SGPP2: variants seen among roughly 807,000 people sequenced by gnomAD.
SGPP2 encodes the protein sphingosine 1-phosphate phosphohydrolase 2.
In SGPP2, 30 loss-of-function variants were observed where a neutral mutation model predicts 33.9. The ratio of observed to expected loss-of-function variants is 0.89; its 90% CI spans 0.66 to 1.20. The LOEUF is 1.20. SGPP2 is among the 50% of genes most tolerant of loss of function. SGPP2 has a pLI of 0.00. For missense variants in SGPP2, 458 were observed against 532.1 expected (o/e 0.86, Z 1.37); for synonymous variants, 233 against 225.0 (o/e 1.04, Z -0.32).
At chr2:222,424,423 G>A, upstream of SGPP2, 1 of 214,154 alleles carries the variant, frequency 4.7e-6, no homozygotes, top group Non-Finnish European at 8.8e-6. Flanking sequence ...CAAGGTGGAG[G>A]CAGACACCTG....
Position 222,528,289 on chromosome 2 carries a change from A to G in SGPP2, c.648+3256A>G, listed in dbSNP as rs571108295. ...GTGTGACATCCAGGCCTAACTCAGA[A>G]TCACAGCGGGTTCAGTTCCAAACCA... On this transcript the variant is annotated intron_variant, in intron 4 of 4. Coordinates refer to ENST00000321276, the MANE Select transcript of SGPP2 (RefSeq NM_152386.4). Among the ~76,000 whole-genome samples the G allele has an allele frequency of 1.0e-3, 158 of 152,062 alleles. 1 individual carries two copies. The highest frequency in any genetic ancestry group is 1.8e-3 in the Non-Finnish European group (122 of 67,914).
intron 4 of SGPP2, among the ~76,000 whole-genome samples, chr2:222,544,692 C>T (rs1689147489): frequency 6.6e-6 from 1 of 151,992 alleles, no homozygotes; most frequent in Admixed American, 6.6e-5. Flanking sequence ...TATTTTTGAT[C>T]CAAGATTGGT....
intron 4 of SGPP2, among the ~76,000 whole-genome samples, chr2:222,549,306 G>T (rs1689252556): frequency 6.6e-6 from 1 of 152,230 alleles, no homozygotes; most frequent in Admixed American, 6.5e-5. Context: ...GCATTCTTCA[G>T]GGAAGATGTT....
intron 2 of SGPP2, among the ~76,000 whole-genome samples, chr2:222,496,032 ACACTTGCAGAC>A (rs1254689951): frequency 1.3e-5 from 2 of 152,100 alleles, no homozygotes; most frequent in African/African-American, 4.8e-5. Flanking sequence ...TACATTCAAG[ACACTTGCAGAC>A]CTCTTGGTCT....
chr2:222,516,659 G>C (rs963256932), intron 2 of SGPP2, among the ~76,000 whole-genome samples: 2 of 152,112 alleles, frequency 1.3e-5, no homozygotes, highest in African/African-American at 4.8e-5. Context: ...TTTCCAAAGT[G>C]GTGGTACCAT....
At chr2:222,498,123 G>C (rs906292026) in intron 2 of SGPP2, among the ~76,000 whole-genome samples, 2 of 152,108 alleles carry the variant, frequency 1.3e-5, no homozygotes, top group Non-Finnish European at 2.9e-5. Context: ...AGAGAGTGTA[G>C]CCCCTTTGGG....
intron 1 of SGPP2, chr2:222,452,814 C>A: frequency 6.2e-7 from 1 of 1,600,910 alleles, no homozygotes; most frequent in Non-Finnish European, 8.6e-7. Flanking sequence ...CTGAGTCACA[C>A]CATTGCTATT....
At chr2:222,439,680 C>G (rs527406326) in intron 1 of SGPP2, among the ~76,000 whole-genome samples, 21 of 152,156 alleles carry the variant, frequency 1.4e-4, no homozygotes, top group Non-Finnish European at 1.6e-4. Context: ...CGGGCAATAA[C>G]AAGCCAATTT....
chr2:222,497,534 A>G (rs1698301125), intron 2 of SGPP2, among the ~76,000 whole-genome samples: 1 of 152,184 alleles, frequency 6.6e-6, no homozygotes, highest in African/African-American at 2.4e-5. Flanking sequence ...GGCACGAGCC[A>G]CCGCACCTAG....
chr2:222,529,518 A>G (rs367583881), intron 4 of SGPP2, among the ~76,000 whole-genome samples: 17 of 152,110 alleles, frequency 1.1e-4, no homozygotes, highest in African/African-American at 3.4e-4. Flanking sequence ...TATTTTTAGT[A>G]GAGGCGGGGT....
At chr2:222,543,503 A>G (rs1574888382) in intron 4 of SGPP2, among the ~76,000 whole-genome samples, 1 of 152,254 alleles carries the variant, frequency 6.6e-6, no homozygotes, top group East Asian at 1.9e-4. Flanking sequence ...TAAATTAGGG[A>G]CAGTAAGAGA....
chr2:222,432,804 C>G (rs1268860015), intron 1 of SGPP2, among the ~76,000 whole-genome samples: 1 of 152,030 alleles, frequency 6.6e-6, no homozygotes, highest in African/African-American at 2.4e-5. Flanking sequence ...GGTGGATCAC[C>G]TGAGGTCAGG....
Position 222,487,237 on chromosome 2 carries a change from G to A in SGPP2, c.378+12511G>A, listed in dbSNP as rs182330135. Among the ~76,000 whole-genome samples the A allele has an allele frequency of 1.3e-3, 197 of 152,250 alleles. 1 individual carries two copies. The highest frequency in any genetic ancestry group is 2.3e-3 in the Non-Finnish European group (157 of 68,004). On this transcript the variant is annotated intron_variant, in intron 2 of 4. Coordinates refer to ENST00000321276, the MANE Select transcript of SGPP2 (RefSeq NM_152386.4). ...TTATAATCCAAGTGAAAATTGCTCA[G>A]CCTCTATTTATTTTACCTAGCCCAT...
At chr2:222,510,259 T>C (rs1698506200) in intron 2 of SGPP2, among the ~76,000 whole-genome samples, 1 of 152,152 alleles carries the variant, frequency 6.6e-6, no homozygotes, top group African/African-American at 2.4e-5. Flanking sequence ...AATGGATGAG[T>C]GTCTGGTGTC....
chr2:222,558,075 A>AT (rs1382248278), intron 4 of SGPP2, among the ~76,000 whole-genome samples: 2 of 152,244 alleles, frequency 1.3e-5, no homozygotes, highest in African/African-American at 2.4e-5. Context: ...GATTACAGTT[A>AT]TTCATTAAGA....
At chr2:222,545,148 C>T (rs548984026) in intron 4 of SGPP2, among the ~76,000 whole-genome samples, 1 of 152,284 alleles carries the variant, frequency 6.6e-6, no homozygotes, top group East Asian at 1.9e-4. Flanking sequence ...AATAGCTCTA[C>T]TTTTTCCACT....
rs555107956 is a variant in SGPP2, at chr2:222,500,967, G to A, written c.379-20800G>A. Among the ~76,000 whole-genome samples the A allele has an allele frequency of 9.8e-5, 15 of 152,302 alleles. 1 individual carries two copies. In the South Asian group the frequency reaches 3.1e-3, roughly 32 times the overall value. On this transcript the variant is annotated intron_variant, in intron 2 of 4. Transcript: ENST00000321276. ...TGGAGACAAAGAACTCAGACCTGAG[G>A]GTTTGGAGACAATCATCTGCTGTTC...
At position 222,476,549 on chromosome 2, in the gene SGPP2, G is replaced by C. The variant is rs1574850677; in HGVS notation, c.378+1823G>C. Among the ~76,000 whole-genome samples, 1 of 152,154 alleles carries C rather than the reference G, an allele frequency of 6.6e-6. No homozygotes were observed. Among genetic ancestry groups the C allele is most frequent in the Non-Finnish European group, 1.5e-5 (1 of 68,024 alleles). ...CCTCCCCGTTTCTGAGGCCACTTCT[G>C]TGTCCACGGAGCAGGCAGGATGGGG... is the stretch of plus-strand genomic sequence containing the variant. On this transcript the variant is annotated intron_variant, in intron 2 of 4. Coordinates refer to ENST00000321276, the MANE Select transcript of SGPP2 (RefSeq NM_152386.4). The surrounding 1 kb of genome is among the most constrained non-coding windows in gnomAD (Gnocchi z 4.3).
intron 4 of SGPP2, among the ~76,000 whole-genome samples, chr2:222,526,247 G>T (rs1027678562): frequency 6.6e-6 from 1 of 152,186 alleles, no homozygotes; most frequent in Non-Finnish European, 1.5e-5. Context: ...GACAAGATTT[G>T]ACCCTGTATT....
Sources: gnomAD v4.1 joint callset for allele counts (sites outside exome capture counted in the v4.1 genomes callset) on GRCh38, gnomAD v4.1.1 for gene constraint, Gnocchi (gnomAD v3.1) non-coding constraint, MANE v1.5 for transcripts, NCBI Gene and HGNC (gene_info 2026-07-23, HGNC 2026-07-21) for gene names.